The following SYNPR variants were observed in gnomAD, a reference collection of about 807,000 sequenced individuals.
SYNPR encodes synaptoporin.
A neutral mutation model predicts 32.9 loss-of-function variants in SYNPR; 23 were observed. The observed-to-expected ratio is 0.70, with a 90% CI of 0.50 to 0.99. SYNPR has a LOEUF of 0.99. Among genes scored for constraint, SYNPR ranks in the 50% least tolerant of loss-of-function variants. The probability of loss-of-function intolerance (pLI) is 0.00; values close to 1 mark genes in which losing one functional copy is unlikely to be tolerated. For synonymous variants in SYNPR, 146 were observed against 135.9 expected (o/e 1.07, Z -0.52); for missense variants, 318 against 349.3 (o/e 0.91, Z 0.71).
At chr3:63,288,382 C>T (rs2086706019) in intron 2 of SYNPR, among the ~76,000 whole-genome samples, 1 of 152,332 alleles carries the variant, frequency 6.6e-6, no homozygotes, top group Non-Finnish European at 1.5e-5. Flanking sequence ...TAAACCAGTA[C>T]TTCTTTTATT....
At position 63,591,899 on chromosome 3, in the gene SYNPR, T is replaced by C. The variant is rs188727068; in HGVS notation, c.409-17226T>C. ...GTGCAGCGCACCAGCATGGCACATG[T>C]ACCCTAAAACTTAAAGTATAATAAA... On this transcript the variant is annotated intron_variant, in intron 4 of 5. Transcript: ENST00000478300. 2.7e-3 allele frequency among the ~76,000 whole-genome samples: 399 copies of C among 145,162 alleles called. 12 individuals carry two copies. In the East Asian group the frequency reaches 0.06, roughly 22 times the overall value.
chr3:63,319,373 G>C (rs2087083446), intron 2 of SYNPR, among the ~76,000 whole-genome samples: 1 of 151,836 alleles, frequency 6.6e-6, no homozygotes, highest in Non-Finnish European at 1.5e-5. Context: ...CTCTAGCTTT[G>C]TTTTTTTGCT....
chr3:63,233,431 C>T (rs2086179888), intron 1 of SYNPR, among the ~76,000 whole-genome samples: 1 of 152,210 alleles, frequency 6.6e-6, no homozygotes, highest in Non-Finnish European at 1.5e-5. Context: ...ACAAGGCCCT[C>T]CATGGCCCAG....
At chr3:63,476,709 C>G (rs1700934717) in intron 2 of SYNPR, among the ~76,000 whole-genome samples, 1 of 152,160 alleles carries the variant, frequency 6.6e-6, no homozygotes, top group Non-Finnish European at 1.5e-5. Context: ...GGGGCTTCCC[C>G]TCACTCATCT....
chr3:63,560,552 G>T (rs990486058), intron 4 of SYNPR, among the ~76,000 whole-genome samples: 1 of 152,132 alleles, frequency 6.6e-6, no homozygotes, highest in South Asian at 2.1e-4. Flanking sequence ...CACAAAGATG[G>T]CTACTGTATT....
chr3:63,260,871 A>T (rs1403539979), intron 2 of SYNPR, among the ~76,000 whole-genome samples: 1 of 138,614 alleles, frequency 7.2e-6, no homozygotes, highest in Non-Finnish European at 1.6e-5. Context: ...AAACAAATTT[A>T]CAAGAAAAAA....
At chr3:63,580,345 T>C (rs545587370) in intron 4 of SYNPR, among the ~76,000 whole-genome samples, 6 of 152,106 alleles carry the variant, frequency 3.9e-5, no homozygotes, top group Non-Finnish European at 5.9e-5. Flanking sequence ...CTCAGAAAAA[T>C]ACTTTAAAAA....
intron 4 of SYNPR, among the ~76,000 whole-genome samples, chr3:63,596,280 T>C (rs1699958244): frequency 1.4e-5 from 2 of 138,818 alleles, no homozygotes; most frequent in African/African-American, 2.7e-5. Context: ...CTTCCCTTTC[T>C]TTACTTCCTT....
intron 3 of SYNPR, among the ~76,000 whole-genome samples, chr3:63,515,925 T>C (rs1701790264): frequency 6.6e-6 from 1 of 152,070 alleles, no homozygotes; most frequent in Admixed American, 6.6e-5. Flanking sequence ...CTCCTACACA[T>C]ATAGAGCATA....
At chr3:63,203,068 G>GTGTGTGTGTATATATATATATA in the SYNPR span, 5 of 108,588 alleles carry the variant, frequency 4.6e-5, no homozygotes, top group Non-Finnish European at 7.1e-5. Context: ...ATATGTATGT[G>GTGTGTGTGTATATATATATATA]TATATATATA....
intron 2 of SYNPR, among the ~76,000 whole-genome samples, chr3:63,377,343 C>T (rs1030804642): frequency 1.3e-5 from 2 of 151,976 alleles, no homozygotes; most frequent in African/African-American, 4.8e-5. Flanking sequence ...ATGTACAGTT[C>T]TAGGTTTAAG....
chr3:63,326,408 C>T (rs931087495), intron 2 of SYNPR, among the ~76,000 whole-genome samples: 1 of 152,056 alleles, frequency 6.6e-6, no homozygotes, highest in African/African-American at 2.4e-5. Context: ...AAATACCTTA[C>T]AATAAGTCTA....
intron 3 of SYNPR, among the ~76,000 whole-genome samples, chr3:63,503,634 C>A (rs1270017549): frequency 6.6e-6 from 1 of 151,948 alleles, no homozygotes; most frequent in African/African-American, 2.4e-5. Context: ...AGGGTTTAGT[C>A]ATCTATTCCA....
the SYNPR span, among the ~76,000 whole-genome samples, chr3:63,205,150 G>C: frequency 6.6e-6 from 1 of 152,072 alleles, no homozygotes; most frequent in Non-Finnish European, 1.5e-5. Context: ...TACTATGTGT[G>C]TGATTATTGT....
chr3:63,276,531 A>G (rs1188221943), upstream of SYNPR, among the ~76,000 whole-genome samples: 1 of 152,124 alleles, frequency 6.6e-6, no homozygotes, highest in Non-Finnish European at 1.5e-5. Context: ...AAAGAAACAA[A>G]CTGAGGTCTT....
chr3:63,370,362 C>T (rs993838291), intron 2 of SYNPR, among the ~76,000 whole-genome samples: 1 of 152,134 alleles, frequency 6.6e-6, no homozygotes, highest in African/African-American at 2.4e-5. Flanking sequence ...GACTCTGCTC[C>T]CATCTGGGAT....
intron 2 of SYNPR, among the ~76,000 whole-genome samples, chr3:63,282,502 T>C (rs914423290): frequency 6.6e-6 from 1 of 152,008 alleles, no homozygotes; most frequent in African/African-American, 2.4e-5. Context: ...ATAAAAATAA[T>C]GTGAGATTGT....
At chr3:63,232,269 T>C (rs909238041) in intron 1 of SYNPR, among the ~76,000 whole-genome samples, 5 of 146,340 alleles carry the variant, frequency 3.4e-5, no homozygotes, top group Non-Finnish European at 6.0e-5. Context: ...TGGCGTGATC[T>C]TGGCTCACTG....
intron 2 of SYNPR, among the ~76,000 whole-genome samples, chr3:63,339,288 G>A (rs1164749618): frequency 2.6e-5 from 4 of 152,152 alleles, no homozygotes; most frequent in Admixed American, 2.6e-4. Flanking sequence ...CATGGTACTT[G>A]CATTCTGCTG....
Sources: gnomAD v4.1 joint callset for allele counts (sites outside exome capture counted in the v4.1 genomes callset) on GRCh38, gnomAD v4.1.1 for gene constraint, MANE v1.5 for transcripts, NCBI Gene and HGNC (gene_info 2026-07-23, HGNC 2026-07-21) for gene names.